STK3: variants seen among roughly 807,000 people sequenced by gnomAD.
STK3 encodes serine/threonine-protein kinase 3.
STK3 carries 41 observed loss-of-function variants against 58.0 expected under a neutral mutation model. That is an observed-to-expected ratio of 0.71 (90% CI 0.55 to 0.92). The LOEUF (loss-of-function observed/expected upper bound fraction) is 0.92. Ranked by LOEUF, STK3 falls within the 40% of genes least tolerant of loss-of-function variation. The pLI is 0.00. For missense variants in STK3, 479 were observed against 602.7 expected (o/e 0.79, Z 2.15); for synonymous variants, 170 against 191.0 (o/e 0.89, Z 0.91).
intron 6 of STK3, among the ~76,000 whole-genome samples, chr8:98,607,903 G>C (rs952500749): frequency 1.3e-5 from 2 of 152,004 alleles, no homozygotes; most frequent in Non-Finnish European, 2.9e-5. Flanking sequence ...CAGTTTCCTA[G>C]TATTTAGAAA....
intron 3 of STK3, among the ~76,000 whole-genome samples, chr8:98,835,793 G>A (rs1012294755): frequency 1.3e-5 from 2 of 152,160 alleles, no homozygotes; most frequent in African/African-American, 4.8e-5. Context: ...TCAATCCTGG[G>A]GGGCCTCTTC....
At chr8:98,918,683 G>A (rs929779895) in intron 1 of STK3, among the ~76,000 whole-genome samples, 3 of 152,150 alleles carry the variant, frequency 2.0e-5, no homozygotes, top group East Asian at 1.9e-4. Context: ...CAAGAGGATC[G>A]TTTGAGCCTA....
At chr8:98,901,271 A>T (rs1318134244) in intron 1 of STK3, among the ~76,000 whole-genome samples, 1 of 152,250 alleles carries the variant, frequency 6.6e-6, no homozygotes, top group East Asian at 1.9e-4. Context: ...TGTGAAGATT[A>T]AGTGAGGTAA....
chr8:98,710,776 T>G (rs563631004), intron 4 of STK3, among the ~76,000 whole-genome samples: 6 of 152,284 alleles, frequency 3.9e-5, no homozygotes, highest in African/African-American at 1.4e-4. Flanking sequence ...CTGTCTGACA[T>G]CTTTGAAGAG....
chr8:98,825,454 A>AC, intron 1 of STK3, 61 bp downstream of exon 1: 1 of 1,405,824 alleles, frequency 7.1e-7, no homozygotes, highest in Non-Finnish European at 9.4e-7. Flanking sequence ...TGGCCTAGCC[A>AC]CCCCCGCCCC....
intron 1 of STK3, among the ~76,000 whole-genome samples, chr8:98,926,449 T>A (rs1473071865): frequency 3.9e-5 from 6 of 152,190 alleles, no homozygotes; most frequent in Non-Finnish European, 8.8e-5. Context: ...ATGCCACTTA[T>A]GGACCCTCAA....
chr8:98,762,466 G>C (rs1180654756), intron 3 of STK3, among the ~76,000 whole-genome samples: 1 of 152,164 alleles, frequency 6.6e-6, no homozygotes, highest in Non-Finnish European at 1.5e-5. Flanking sequence ...ATGTTTGCCA[G>C]GCTGGTCTCA....
the STK3 span, among the ~76,000 whole-genome samples, chr8:98,351,392 A>C: frequency 6.6e-6 from 1 of 152,182 alleles, no homozygotes; most frequent in Non-Finnish European, 1.5e-5. Context: ...AACACTTTTA[A>C]AATGTTTTTG....
At chr8:98,382,867 C>T (rs931458793) in intron 1 of STK3, among the ~76,000 whole-genome samples, 52 of 152,338 alleles carry the variant, frequency 3.4e-4, no homozygotes, top group Non-Finnish European at 4.3e-4. Context: ...GACCAGCCTT[C>T]CCAGGGCTTG....
chr8:98,850,054 A>G (rs1836387882), intron 3 of STK3, among the ~76,000 whole-genome samples: 3 of 152,040 alleles, frequency 2.0e-5, no homozygotes, highest in Non-Finnish European at 4.4e-5. Flanking sequence ...ATGTTTCTCA[A>G]ATTTGCCCTA....
intron 6 of STK3, among the ~76,000 whole-genome samples, chr8:98,623,079 G>A (rs2130415710): frequency 6.6e-6 from 1 of 152,160 alleles, no homozygotes; most frequent in South Asian, 2.1e-4. Context: ...AGAAAGAATG[G>A]GATACAGAAT....
intron 10 of STK3, among the ~76,000 whole-genome samples, chr8:98,481,733 A>C (rs990624565): frequency 5.3e-5 from 8 of 152,132 alleles, no homozygotes; most frequent in African/African-American, 1.9e-4. Flanking sequence ...AAAAAAAAAA[A>C]AAAACTTAGT....
chr8:98,420,046 T>C (rs1818152763), intron 3 of STK3, among the ~76,000 whole-genome samples: 1 of 152,198 alleles, frequency 6.6e-6, no homozygotes, highest in Admixed American at 6.5e-5. Context: ...AAGAAATCAT[T>C]GTTTTCTAGT....
intron 10 of STK3, among the ~76,000 whole-genome samples, chr8:98,494,293 C>G (rs921146205): frequency 2.0e-5 from 3 of 152,284 alleles, no homozygotes; most frequent in Admixed American, 2.0e-4. Context: ...ACTTGTCTAT[C>G]TGGTACATTC....
At chr8:98,646,044 A>G (rs914712336) in intron 6 of STK3, among the ~76,000 whole-genome samples, 1 of 152,216 alleles carries the variant, frequency 6.6e-6, no homozygotes, top group Admixed American at 6.5e-5. Context: ...AGTCTACCCT[A>G]AACTGCTAAG....
chr8:98,573,781 CT>C (rs1407901382), intron 8 of STK3, among the ~76,000 whole-genome samples: 7 of 152,136 alleles, frequency 4.6e-5, no homozygotes, highest in Non-Finnish European at 7.3e-5. Flanking sequence ...CATTCTCACG[CT>C]GCTATAAATA....
chr8:98,411,323 A>G (rs1178018461), intron 3 of STK3, among the ~76,000 whole-genome samples: 1 of 152,268 alleles, frequency 6.6e-6, no homozygotes, highest in Non-Finnish European at 1.5e-5. Flanking sequence ...CAACTCTTCT[A>G]GAGCCAACAA....
At chr8:98,650,983 C>G (rs981988934) in intron 6 of STK3, among the ~76,000 whole-genome samples, 5 of 152,226 alleles carry the variant, frequency 3.3e-5, no homozygotes, top group Admixed American at 6.5e-5. Context: ...GCTTTGAAGA[C>G]AGCAGTGGTT....
At position 98,685,475 on chromosome 8, in the gene STK3, A is replaced by G. The variant is rs75200254; in HGVS notation, c.684+20992T>C. On this transcript the variant is annotated intron_variant, in intron 6 of 10. Transcript: ENST00000419617. ...TTCTCTTCACTTGTTCATGTCTTAA[A>G]GAATAATAACTCTGACAAGACAAAA... Among the ~76,000 whole-genome samples the G allele has an allele frequency of 3.0e-3, 459 of 152,298 alleles. 3 individuals are homozygous for G. The highest frequency in any genetic ancestry group is 0.011 in the African/African-American group (438 of 41,554).
Sources: allele counts gnomAD v4.1 joint callset (sites outside exome capture counted in the v4.1 genomes callset), GRCh38; gene constraint gnomAD v4.1.1; transcripts MANE v1.5; gene names NCBI Gene and HGNC (gene_info 2026-07-23, HGNC 2026-07-21).